Variants in CACNA1B observed in about 807,000 individuals in gnomAD.
The protein encoded by CACNA1B is calcium voltage-gated channel subunit alpha1 B, also known as voltage-dependent N-type calcium channel subunit alpha-1B.
A neutral mutation model predicts 247.2 loss-of-function variants in CACNA1B; 70 were observed. The observed-to-expected ratio is 0.28, with a 90% CI of 0.23 to 0.35. The LOEUF (loss-of-function observed/expected upper bound fraction) is 0.35, where lower values mean the gene tolerates loss of function less well. CACNA1B is among the 10% of genes least tolerant of loss of function. CACNA1B has a pLI of 1.00. For synonymous variants in CACNA1B, 1,231 were observed against 1,294.4 expected (o/e 0.95, Z 1.05); for missense variants, 2,367 against 3,197.4 (o/e 0.74, Z 6.26).
chr9:137,893,630 G>A (rs1486745087), intron 3 of CACNA1B, among the ~76,000 whole-genome samples: 3 of 149,238 alleles, frequency 2.0e-5, no homozygotes, highest in Non-Finnish European at 4.4e-5. Flanking sequence ...CAGCCTGGGC[G>A]ACAGAGTGAG....
At chr9:138,036,434 C>T (rs1462382930) in intron 20 of CACNA1B, among the ~76,000 whole-genome samples, 2 of 152,236 alleles carry the variant, frequency 1.3e-5, no homozygotes, top group Non-Finnish European at 1.5e-5. Flanking sequence ...CCACCGCTCC[C>T]GGCCTTCCCC....
At position 137,952,668 on chromosome 9, in the gene CACNA1B, A is replaced by T. The variant is rs369816875; in HGVS notation, c.1070+291A>T. Among the ~76,000 whole-genome samples the T allele has an allele frequency of 8.2e-6, 1 of 121,286 alleles. No individual in the cohort carries two copies. Among genetic ancestry groups the T allele is most frequent in the Non-Finnish European group, 1.6e-5 (1 of 61,640 alleles). 79.6% of individuals were successfully genotyped at this position (121,286 alleles called of 152,430 possible). A position where few individuals can be genotyped will look rare whatever the true frequency, so the allele number is the denominator to read the frequency against. On this transcript the variant is annotated intron_variant, in intron 7 of 46. Transcript: ENST00000371372. The surrounding 1 kb of genome is among the most constrained non-coding windows in gnomAD (Gnocchi z 4.8). ...GGGTAGACAGGAGGTGTGGTCTGTA[A>T]TGGGAGGTTGGTCTGGGGGGATGGG...
In CACNA1B at chr9:137,878,065, C is replaced by G. The variant is rs1956858934; in HGVS notation, c.132C>G (p.Leu44=). ...GGCTGCAGCCCGGCCAGCGGGTCCT[C>G]TACAAGCAATCGATCGCGCAGCGCG... The part of the protein sequence containing the change: ...PGGLQPGQRV[L]YKQSIAQRAR... The change falls in exon 1 of 47, where the codon CTC becomes CTG. Residue 44 remains leucine (L), a synonymous_variant. Coordinates refer to ENST00000371372, the MANE Select transcript of CACNA1B (RefSeq NM_000718.4). 3.0e-6 allele frequency: 4 copies of G among 1,335,794 alleles called. No individual in the cohort carries two copies. Among genetic ancestry groups the G allele is most frequent in the Admixed American group, 3.0e-5 (1 of 33,416 alleles). 82.7% of individuals were successfully genotyped at this position (1,335,794 alleles called of 1,614,324 possible). A position where few individuals can be genotyped will look rare whatever the true frequency, so the allele number is the denominator to read the frequency against.
intron 15 of CACNA1B, among the ~76,000 whole-genome samples, chr9:137,998,656 G>A (rs1420736448): frequency 6.6e-6 from 1 of 152,132 alleles, no homozygotes; most frequent in Non-Finnish European, 1.5e-5. Flanking sequence ...AAAAGAGGAC[G>A]GATGAGAATA....
At chr9:137,923,752 A>G (rs1015197240) in intron 6 of CACNA1B, among the ~76,000 whole-genome samples, 2 of 152,172 alleles carry the variant, frequency 1.3e-5, no homozygotes, top group Non-Finnish European at 1.5e-5. Context: ...ACTCTTTTAC[A>G]TTTCCACCAG....
intron 11 of CACNA1B, 129 bp from the exon 12 acceptor site, chr9:137,975,778 A>C (rs1958212677): frequency 4.3e-6 from 3 of 694,276 alleles, no homozygotes. Flanking sequence ...TTCAGAGCAT[A>C]GGACCATAGG....
At chr9:137,963,210 C>G (rs1055454625) in intron 10 of CACNA1B, among the ~76,000 whole-genome samples, 1 of 152,244 alleles carries the variant, frequency 6.6e-6, no homozygotes, top group Admixed American at 6.5e-5. Context: ...AACCCCTACT[C>G]TTTTCTGTTT....
rs930123954 is a variant in CACNA1B, at chr9:138,012,379, TGG to T, written c.2161-745_2161-744del. 2.2e-4 allele frequency among the ~76,000 whole-genome samples: 33 copies of T among 152,118 alleles called. No individual in the cohort carries two copies. Among genetic ancestry groups the T allele is most frequent in the African/African-American group, 7.2e-4 (30 of 41,498 alleles). On this transcript the variant is annotated intron_variant, in intron 17 of 46. Coordinates refer to ENST00000371372, the MANE Select transcript of CACNA1B (RefSeq NM_000718.4). This position sits in a 1 kb window ranked among gnomAD's most constrained non-coding sequence, Gnocchi z 4.2. ...TTTGTTAAAGTGTGACAGATGCTCC[TGG>T]GGGGACAGGTGGGACAAAAGGAGGG...
intron 31 of CACNA1B, among the ~76,000 whole-genome samples, chr9:138,063,801 T>C (rs1959818575): frequency 6.6e-6 from 1 of 152,360 alleles, no homozygotes; most frequent in East Asian, 1.9e-4. Flanking sequence ...GTGAATTAAA[T>C]GGGAATGAGG....
chr9:138,048,837 C>T (rs1281094012), intron 23 of CACNA1B, among the ~76,000 whole-genome samples: 1 of 152,208 alleles, frequency 6.6e-6, no homozygotes, highest in East Asian at 1.9e-4. Context: ...CATGCCTCAG[C>T]CTCTCAAGTA....
rs539719410 is a variant in CACNA1B at position 138,102,905 on chromosome 9, C to G, written c.5319+98C>G. 2 of 709,484 alleles carry G rather than the reference C, an allele frequency of 2.8e-6. No homozygotes were observed. The highest frequency in any genetic ancestry group is 2.5e-5 in the Admixed American group (1 of 40,400). The allele number at this position is 709,484 out of a possible 1,614,324, so 43.9% of individuals were successfully genotyped here. ...CAGCTCCTCTCCCTTTCAGGGTGCCCGGCTGTCTGTCTGCCGCTCTGCTGT... is the reference window on the plus strand; with the variant it reads ...CAGCTCCTCTCCCTTTCAGGGTGCCGGGCTGTCTGTCTGCCGCTCTGCTGT... On this transcript the variant is annotated intron_variant, in intron 38 of 46. Coordinates refer to ENST00000371372, the MANE Select transcript of CACNA1B (RefSeq NM_000718.4). This position sits in a 1 kb window ranked among gnomAD's most constrained non-coding sequence, Gnocchi z 5.4.
At chr9:137,896,954 G>A (rs1217602734) in intron 3 of CACNA1B, among the ~76,000 whole-genome samples, 1 of 152,106 alleles carries the variant, frequency 6.6e-6, no homozygotes, top group African/African-American at 2.4e-5. Context: ...TGTCTGTAGG[G>A]TTTGTAATAG....
At chr9:137,879,344 C>A (rs529198349) in intron 2 of CACNA1B, among the ~76,000 whole-genome samples, 185 bp downstream of exon 2, 1 of 152,248 alleles carries the variant, frequency 6.6e-6, no homozygotes, top group Non-Finnish European at 1.5e-5. Flanking sequence ...CTGGGGTCAC[C>A]GGCTTAGCCC....
In CACNA1B at chr9:137,990,272, C is replaced by T. The variant is rs1958416890; in HGVS notation, c.1974+3418C>T. Among the ~76,000 whole-genome samples, 1 of 152,062 alleles carries T rather than the reference C, an allele frequency of 6.6e-6. No individual in the cohort carries two copies. Among genetic ancestry groups the T allele is most frequent in the Non-Finnish European group, 1.5e-5 (1 of 68,012 alleles). ...TAACTCCATTGGACTGAGAACCACA[C>T]ACCCATCCCCCACAGCAGCCACAGC... On this transcript the variant is annotated intron_variant, in intron 15 of 46. Coordinates refer to ENST00000371372, the MANE Select transcript of CACNA1B (RefSeq NM_000718.4). The surrounding 1 kb of genome is among the most constrained non-coding windows in gnomAD (Gnocchi z 4.5).
intron 12 of CACNA1B, 60 bp from the exon 13 acceptor site, chr9:137,984,074 CACAT>C: frequency 8.2e-7 from 1 of 1,217,572 alleles, no homozygotes; most frequent in Non-Finnish European, 1.2e-6. Context: ...GGTGTGCACA[CACAT>C]CCATCTGCAT....
intron 6 of CACNA1B, among the ~76,000 whole-genome samples, chr9:137,942,227 T>G (rs1201716413): frequency 6.6e-6 from 1 of 152,150 alleles, no homozygotes; most frequent in African/African-American, 2.4e-5. Context: ...GGAAAAATGC[T>G]CAACATCACT....
chr9:138,068,210 A>G (rs1959995778), intron 31 of CACNA1B, among the ~76,000 whole-genome samples: 1 of 152,202 alleles, frequency 6.6e-6, no homozygotes, highest in Non-Finnish European at 1.5e-5. Flanking sequence ...AAGACAAGCC[A>G]TGATTAACAA....
intron 6 of CACNA1B, among the ~76,000 whole-genome samples, chr9:137,921,271 G>C (rs1275179448): frequency 6.6e-6 from 1 of 151,796 alleles, no homozygotes; most frequent in Non-Finnish European, 1.5e-5. Context: ...CAGCATCCCG[G>C]GAGCAGAGTA....
At chr9:138,023,864 C>A in intron 19 of CACNA1B, 53 bp downstream of exon 19, 1 of 889,978 alleles carries the variant, frequency 1.1e-6, no homozygotes. Context: ...CGGGGCGGCG[C>A]GGGCCCCAGC....
Sources: allele counts gnomAD v4.1 joint callset (sites outside exome capture counted in the v4.1 genomes callset), GRCh38; gene constraint gnomAD v4.1.1; non-coding constraint Gnocchi (gnomAD v3.1); transcripts MANE v1.5; gene names NCBI Gene and HGNC (gene_info 2026-07-23, HGNC 2026-07-21).